Variants in TTLL7 observed in about 807,000 individuals in gnomAD.
TTLL7 encodes tubulin tyrosine ligase like 7.
TTLL7 carries 53 observed loss-of-function variants against 120.2 expected under a neutral mutation model. That is an observed-to-expected ratio of 0.44 (90% CI 0.35 to 0.55). The LOEUF (loss-of-function observed/expected upper bound fraction) is 0.55, where lower values mean the gene tolerates loss of function less well. Ranked by LOEUF, TTLL7 falls within the 20% of genes least tolerant of loss-of-function variation. The probability of loss-of-function intolerance (pLI) is 0.00; values close to 1 mark genes in which losing one functional copy is unlikely to be tolerated. For synonymous variants in TTLL7, 353 were observed against 351.7 expected, an observed-to-expected ratio of 1.00 and a Z score of -0.04; for missense variants, 803 against 1,054.7, an observed-to-expected ratio of 0.76 and a Z score of 3.31.
chr1:83,932,540 A>G (rs1050260550), intron 9 of TTLL7, among the ~76,000 whole-genome samples: 6 of 150,814 alleles, frequency 4.0e-5, no homozygotes, highest in Admixed American at 1.3e-4. Context: ...GTTACTGTTT[A>G]AAGTAGATGT....
At chr1:83,938,091 C>T (rs1232250954) in intron 7 of TTLL7, 75 bp from the exon 8 acceptor site, 1 of 1,361,146 alleles carries the variant, frequency 7.3e-7, no homozygotes, top group Non-Finnish European at 1.0e-6. Context: ...GAAAAAAAGA[C>T]ACTCAAAGAC....
chr1:83,923,219 T>C (rs980393304), intron 10 of TTLL7, among the ~76,000 whole-genome samples: 1 of 139,708 alleles, frequency 7.2e-6, no homozygotes, highest in African/African-American at 2.8e-5. Context: ...TTATCATACA[T>C]CCATTTAAAA....
At chr1:83,932,829 C>T (rs1199470721) in intron 9 of TTLL7, among the ~76,000 whole-genome samples, 1 of 151,984 alleles carries the variant, frequency 6.6e-6, no homozygotes, top group Non-Finnish European at 1.5e-5. Context: ...TAAGCGGCCA[C>T]GAGAAGGTGT....
At chr1:83,983,686 T>G (rs954823305) in intron 1 of TTLL7, 1 of 152,110 alleles carries the variant, frequency 6.6e-6, no homozygotes. Context: ...ACAGACAACC[T>G]ACAGAATGGG....
chr1:83,874,370 T>G (rs550578653), intron 20 of TTLL7, among the ~76,000 whole-genome samples: 4 of 152,058 alleles, frequency 2.6e-5, no homozygotes, highest in Non-Finnish European at 5.9e-5. Context: ...TCTCTTCAAC[T>G]GTTGATGGGC....
intron 19 of TTLL7, chr1:83,889,841 G>A: frequency 2.3e-6 from 1 of 444,190 alleles, no homozygotes; most frequent in Non-Finnish European, 4.5e-6. Context: ...AGATGCAGAT[G>A]CCCCTGTGAT....
chr1:83,895,321 T>A (rs765985691), intron 18 of TTLL7, among the ~76,000 whole-genome samples: 2 of 152,010 alleles, frequency 1.3e-5, no homozygotes, highest in African/African-American at 4.8e-5. Context: ...GTCACACCTA[T>A]GTAGACAAGG....
chr1:83,939,580 C>G (rs1431465767), intron 7 of TTLL7, among the ~76,000 whole-genome samples: 1 of 152,138 alleles, frequency 6.6e-6, no homozygotes, highest in African/African-American at 2.4e-5. Context: ...ATATAGCAAT[C>G]TGCAAGGAGT....
chr1:83,898,323 T>A (rs1272915780), intron 18 of TTLL7, among the ~76,000 whole-genome samples: 2 of 152,012 alleles, frequency 1.3e-5, no homozygotes, highest in African/African-American at 2.4e-5. Context: ...AGAAAAAATT[T>A]CAGCCTGCAA....
At chr1:83,977,311 G>A (rs184893776) in intron 1 of TTLL7, among the ~76,000 whole-genome samples, 2 of 152,074 alleles carry the variant, frequency 1.3e-5, no homozygotes, top group Admixed American at 6.6e-5. Context: ...GGAGAATTCC[G>A]GAGACCATAT....
chr1:83,903,164 T>A (rs910678391), intron 18 of TTLL7, among the ~76,000 whole-genome samples: 1 of 151,948 alleles, frequency 6.6e-6, no homozygotes, highest in Admixed American at 6.6e-5. Context: ...GTGACCTAGG[T>A]CCTCCCTATC....
chr1:83,898,288 C>G (rs1011917749), intron 18 of TTLL7, among the ~76,000 whole-genome samples: 19 of 152,008 alleles, frequency 1.2e-4, no homozygotes, highest in Non-Finnish European at 8.8e-5. Context: ...GAGAAACAGT[C>G]TGACATGGGG....
At chr1:83,881,607 T>C (rs1017982262) in intron 20 of TTLL7, among the ~76,000 whole-genome samples, 158 of 152,172 alleles carry the variant, frequency 1.0e-3, no homozygotes, top group African/African-American at 3.5e-3. Context: ...GGAGAGGATG[T>C]GGAGAAATAG....
intron 20 of TTLL7, among the ~76,000 whole-genome samples, chr1:83,876,544 G>A (rs1011655313): frequency 6.6e-6 from 1 of 151,912 alleles, no homozygotes; most frequent in African/African-American, 2.4e-5. Flanking sequence ...GAAATTATTT[G>A]AGAAGAACTG....
intron 14 of TTLL7, among the ~76,000 whole-genome samples, chr1:83,911,757 C>T (rs1381192709): frequency 1.3e-5 from 2 of 151,148 alleles, no homozygotes; most frequent in Non-Finnish European, 3.0e-5. Context: ...TTTGTCTTAT[C>T]ATTAACGTTC....
At chr1:83,945,563 A>T (rs1464609808) in intron 6 of TTLL7, among the ~76,000 whole-genome samples, 2 of 152,218 alleles carry the variant, frequency 1.3e-5, no homozygotes, top group Non-Finnish European at 2.9e-5. Context: ...AAAACACATT[A>T]GCAAGGAAAC....
rs1302254359 is a variant in TTLL7 at position 83,867,544 on chromosome 1, G to GTA, written c.*2417_*2418insTA. The GTA allele has an allele frequency of 2.0e-5, 3 of 151,838 alleles. No homozygotes were observed. The highest frequency in any genetic ancestry group is 4.4e-5 in the Non-Finnish European group (3 of 67,886). The allele number at this position is 151,838 out of a possible 1,614,324, so 9.4% of individuals were successfully genotyped here. On this transcript the variant is annotated 3_prime_UTR_variant, in exon 21 of 21. Coordinates refer to ENST00000260505, the MANE Select transcript of TTLL7 (RefSeq NM_024686.6). ...CAGTTTTTAAATTGTGTGTGTGTGT[G>GTA]TGTGTGTGTTTTCTGTGAGGAGTGT...
intron 13 of TTLL7, among the ~76,000 whole-genome samples, chr1:83,919,035 A>G (rs180786241): frequency 1.3e-5 from 2 of 152,110 alleles, no homozygotes; most frequent in Middle Eastern, 3.4e-3. Context: ...TGTTTCAGCT[A>G]TCTTATCTGA....
At chr1:83,905,215 T>G (rs920324303) in intron 17 of TTLL7, among the ~76,000 whole-genome samples, 1 of 151,970 alleles carries the variant, frequency 6.6e-6, no homozygotes, top group Non-Finnish European at 1.5e-5. Context: ...TTCATTTCCT[T>G]TAATGTAACT....
Sources: allele counts gnomAD v4.1 joint callset (sites outside exome capture counted in the v4.1 genomes callset), GRCh38; gene constraint gnomAD v4.1.1; transcripts MANE v1.5; gene names NCBI Gene and HGNC (gene_info 2026-07-23, HGNC 2026-07-21).